The following DGKI variants were observed in gnomAD, a reference collection of about 807,000 sequenced individuals.
DGKI encodes diacylglycerol kinase iota.
A neutral mutation model predicts 147.5 loss-of-function variants in DGKI; 55 were observed. That is an observed-to-expected ratio of 0.37 (90% confidence interval 0.30 to 0.47). The LOEUF (loss-of-function observed/expected upper bound fraction) is 0.47, where lower values mean the gene tolerates loss of function less well. DGKI is among the 20% of genes least tolerant of loss of function. The pLI is 1.00. For missense variants in DGKI, 1,007 were observed against 1,323.8 expected (o/e 0.76, Z 3.71); for synonymous variants, 469 against 477.1 (o/e 0.98, Z 0.22).
chr7:137,649,642 G>A (rs1397819017), intron 5 of DGKI, among the ~76,000 whole-genome samples: 1 of 151,790 alleles, frequency 6.6e-6, no homozygotes, highest in Admixed American at 6.6e-5. Flanking sequence ...CTACAAATTG[G>A]GTTCGGTAAA....
chr7:137,629,530 T>A lies in DGKI; in HGVS notation c.805-5976A>T, dbSNP rs1026616641. 2.0e-5 allele frequency among the ~76,000 whole-genome samples: 3 copies of A among 152,218 alleles called. No homozygotes were observed. In the East Asian group the frequency reaches 5.8e-4, roughly 29 times the overall value. On this transcript the variant is annotated intron_variant, in intron 6 of 32. Transcript: ENST00000614521. ...CTGTGATGTTTGGGCATTCCACCAG[T>A]GGAAGCAGATAAGCAACTGAGACCT...
chr7:137,713,591 T>C, intron 1 of DGKI, among the ~76,000 whole-genome samples: 1 of 152,240 alleles, frequency 6.6e-6, no homozygotes, highest in East Asian at 1.9e-4. Context: ...TAGGATAATT[T>C]TGTAGAGGTT....
chr7:137,381,911 T>C lies in DGKI; in HGVS notation c.*9309A>G, dbSNP rs1811070625. ...TATAATCGGTAAGTCAGGGAGAGCATCAAAGTTCTACTTGCATTGGAAATT... is the reference window on the plus strand; with the variant it reads ...TATAATCGGTAAGTCAGGGAGAGCACCAAAGTTCTACTTGCATTGGAAATT... On this transcript the variant is annotated 3_prime_UTR_variant, in exon 33 of 33. Transcript: ENST00000614521. 2 of 152,114 alleles carry C rather than the reference T, an allele frequency of 1.3e-5. No individual in the cohort carries two copies. Among genetic ancestry groups the C allele is most frequent in the Non-Finnish European group, 2.9e-5 (2 of 67,990 alleles). The allele number at this position is 152,114 out of a possible 1,614,324, so 9.4% of individuals were successfully genotyped here.
At chr7:137,789,718 C>T (rs983671513) in intron 1 of DGKI, among the ~76,000 whole-genome samples, 6 of 152,144 alleles carry the variant, frequency 3.9e-5, no homozygotes, top group African/African-American at 7.2e-5. Flanking sequence ...ACAGTCAGAA[C>T]GGAGAAGCGC....
At chr7:137,600,536 T>C (rs1342997143) in intron 10 of DGKI, among the ~76,000 whole-genome samples, 2 of 152,182 alleles carry the variant, frequency 1.3e-5, no homozygotes, top group Non-Finnish European at 2.9e-5. Flanking sequence ...GTGTTTAAAA[T>C]GCAGTAAGCC....
chr7:137,528,405 A>G (rs764276663), intron 20 of DGKI, among the ~76,000 whole-genome samples: 6 of 152,220 alleles, frequency 3.9e-5, no homozygotes, highest in Non-Finnish European at 8.8e-5. Context: ...CACATTGTAC[A>G]GAAGTTTTTG....
intron 28 of DGKI, among the ~76,000 whole-genome samples, chr7:137,431,053 G>A (rs537618875): frequency 9.2e-5 from 14 of 152,184 alleles, no homozygotes; most frequent in Non-Finnish European, 1.9e-4. Context: ...TAAATATATA[G>A]CAGAAAGACA....
chr7:137,821,446 C>T (rs1021731963), intron 1 of DGKI, among the ~76,000 whole-genome samples: 5 of 151,674 alleles, frequency 3.3e-5, no homozygotes, highest in African/African-American at 1.2e-4. Flanking sequence ...CTTAAAAGTC[C>T]TTTAGAAGTA....
chr7:137,573,848 C>T (rs886939005), intron 17 of DGKI, among the ~76,000 whole-genome samples: 3 of 152,242 alleles, frequency 2.0e-5, no homozygotes, highest in Non-Finnish European at 2.9e-5. Flanking sequence ...GGGTATCATC[C>T]TTTGATAAAT....
intron 1 of DGKI, among the ~76,000 whole-genome samples, chr7:137,731,837 C>G (rs1794894769): frequency 6.6e-6 from 1 of 152,018 alleles, no homozygotes; most frequent in Non-Finnish European, 1.5e-5. Context: ...TGCCAAGCCC[C>G]CACATAGAAA....
At position 137,585,355 on chromosome 7, in the gene DGKI, T is replaced by G; in HGVS notation, c.1426-9A>C. 6.2e-7 allele frequency: 1 copy of G among 1,613,472 alleles called. No homozygotes were observed. Among genetic ancestry groups the G allele is most frequent in the Non-Finnish European group, 8.5e-7 (1 of 1,179,768 alleles). On this transcript the variant is annotated splice_polypyrimidine_tract_variant and intron_variant, in intron 13 of 32. Transcript: ENST00000614521. ...GGTTCATCAGTGTAGCCCTGAGGAA[T>G]CAGAGAACATATCCATTGCTGTCCA...
intron 28 of DGKI, among the ~76,000 whole-genome samples, chr7:137,427,613 C>G (rs1043142705): frequency 1.3e-5 from 2 of 152,074 alleles, no homozygotes; most frequent in African/African-American, 2.4e-5. Flanking sequence ...AATCCAGGAG[C>G]TGGTTTTTTG....
chr7:137,682,672 T>C (rs957307446), intron 2 of DGKI, among the ~76,000 whole-genome samples: 3 of 152,230 alleles, frequency 2.0e-5, no homozygotes, highest in African/African-American at 2.4e-5. Context: ...CCTGGACACA[T>C]AGTTAGACTT....
chr7:137,657,193 C>T (rs1822256567), intron 3 of DGKI, among the ~76,000 whole-genome samples: 1 of 152,236 alleles, frequency 6.6e-6, no homozygotes, highest in Non-Finnish European at 1.5e-5. Context: ...TATTTGCTAT[C>T]TGTTCTTATA....
intron 28 of DGKI, among the ~76,000 whole-genome samples, chr7:137,436,224 C>T (rs1813280003): frequency 6.6e-6 from 1 of 152,138 alleles, no homozygotes; most frequent in Non-Finnish European, 1.5e-5. Flanking sequence ...GATTGGAACC[C>T]TATTTTCTTG....
intron 21 of DGKI, among the ~76,000 whole-genome samples, chr7:137,512,071 A>G (rs908811769): frequency 2.4e-4 from 37 of 152,300 alleles, no homozygotes; most frequent in Non-Finnish European, 5.3e-4. Context: ...TTGTACACAA[A>G]ACTCAGTCTC....
At chr7:137,757,370 C>G (rs1293791327) in intron 1 of DGKI, among the ~76,000 whole-genome samples, 1 of 152,112 alleles carries the variant, frequency 6.6e-6, no homozygotes, top group Admixed American at 6.6e-5. Flanking sequence ...TGATTCATTC[C>G]CAGTTTTCCT....
chr7:137,746,169 C>T (rs1377014468), intron 1 of DGKI, among the ~76,000 whole-genome samples: 1 of 152,016 alleles, frequency 6.6e-6, no homozygotes, highest in Non-Finnish European at 1.5e-5. Flanking sequence ...GTTTGGTTCC[C>T]AAAGCTTAAA....
intron 21 of DGKI, among the ~76,000 whole-genome samples, chr7:137,520,380 T>A (rs1450888314): frequency 6.6e-6 from 1 of 152,150 alleles, no homozygotes; most frequent in Non-Finnish European, 1.5e-5. Flanking sequence ...TAATTTGCAT[T>A]GTAGCTACAC....
Sources: gnomAD v4.1 joint callset for allele counts (sites outside exome capture counted in the v4.1 genomes callset) on GRCh38, gnomAD v4.1.1 for gene constraint, MANE v1.5 for transcripts, NCBI Gene and HGNC (gene_info 2026-07-23, HGNC 2026-07-21) for gene names.